Variants in ST3GAL1 observed in about 807,000 individuals in gnomAD.
ST3GAL1 encodes the protein ST3 beta-galactoside alpha-2,3-sialyltransferase 1.
ST3GAL1 carries 16 observed loss-of-function variants against 34.1 expected under a neutral mutation model. The observed-to-expected ratio is 0.47, with a 90% CI of 0.32 to 0.71. ST3GAL1 has a LOEUF of 0.71. Ranked by LOEUF, ST3GAL1 falls within the 30% of genes least tolerant of loss-of-function variation. The pLI, the probability that ST3GAL1 is intolerant of heterozygous loss-of-function variation, is 0.04. For synonymous variants in ST3GAL1, 191 were observed against 184.7 expected, an observed-to-expected ratio of 1.03 and a Z score of -0.28; for missense variants, 353 against 447.4, an observed-to-expected ratio of 0.79 and a Z score of 1.90.
chr8:133,463,135 C>T (rs921031958), intron 8 of ST3GAL1, among the ~76,000 whole-genome samples: 5 of 152,212 alleles, frequency 3.3e-5, no homozygotes, highest in East Asian at 1.9e-4. Context: ...AACCAGAATG[C>T]GGGGCAGCCA....
chr8:133,462,148 A>G (rs1370517274), intron 8 of ST3GAL1, among the ~76,000 whole-genome samples, 154 bp from the exon 9 acceptor site: 1 of 152,138 alleles, frequency 6.6e-6, no homozygotes, highest in Admixed American at 6.5e-5. Context: ...CGTAGGAAAG[A>G]TGGACACTCA....
intron 2 of ST3GAL1, chr8:133,515,813 C>T (rs956687786): frequency 6.6e-6 from 1 of 152,066 alleles, no homozygotes; most frequent in African/African-American, 2.4e-5. Context: ...ACCAAATGCC[C>T]TCTATTTATA....
intron 2 of ST3GAL1, among the ~76,000 whole-genome samples, chr8:133,511,994 A>C (rs187272365): frequency 7.6e-4 from 115 of 152,316 alleles, no homozygotes; most frequent in African/African-American, 2.6e-3. Flanking sequence ...CAGAGGTTGC[A>C]GTGAGCTGAG....
At chr8:133,567,157 T>C (rs1819427877) in intron 1 of ST3GAL1, 1 of 152,210 alleles carries the variant, frequency 6.6e-6, no homozygotes, top group African/African-American at 2.4e-5. Flanking sequence ...AGGGAACCTT[T>C]CCCTTCTCCG....
In ST3GAL1 at chr8:133,475,979, C is replaced by A; in HGVS notation, c.46G>T (p.Val16Leu). Residue 16 changes from valine (V) to leucine (L), a missense_variant, in exon 5 of 10, where the codon GTG becomes TTG. Physicochemically the swap from Val to Leu is conservative, Grantham distance 32. Coordinates refer to ENST00000522652, the MANE Select transcript of ST3GAL1 (RefSeq NM_173344.3). ...AAGGAGGTGAGGAAGATGAAGAGCA[C>A]GAGGAAGGTGAGCACTTTCAGGGTC... ...KRTLKVLTFL[V>L]LFIFLTSFFL... is the part of the protein sequence containing the mutation. 1 of 1,612,158 alleles carries A rather than the reference C, an allele frequency of 6.2e-7. No individual in the cohort carries two copies.
At chr8:133,563,470 C>T (rs1041112577) in intron 1 of ST3GAL1, among the ~76,000 whole-genome samples, 1 of 152,164 alleles carries the variant, frequency 6.6e-6, no homozygotes, top group Admixed American at 6.5e-5. Context: ...CCAACAGGGC[C>T]GGCTGAGAAT....
intron 3 of ST3GAL1, among the ~76,000 whole-genome samples, chr8:133,491,710 G>A (rs567474230): frequency 1.3e-5 from 2 of 152,280 alleles, no homozygotes; most frequent in Admixed American, 6.5e-5. Flanking sequence ...CTACAATGGC[G>A]AGGCATGCAG....
At chr8:133,529,953 TCTC>T (rs1295192704) in intron 2 of ST3GAL1, among the ~76,000 whole-genome samples, 1 of 151,988 alleles carries the variant, frequency 6.6e-6, no homozygotes, top group Non-Finnish European at 1.5e-5. Flanking sequence ...TAGCACCTGT[TCTC>T]CTACACATCA....
At chr8:133,557,325 T>C (rs975573394) in intron 1 of ST3GAL1, among the ~76,000 whole-genome samples, 1 of 152,128 alleles carries the variant, frequency 6.6e-6, no homozygotes, top group African/African-American at 2.4e-5. Context: ...GGGGTCCTCA[T>C]AGGATATGTG....
intron 3 of ST3GAL1, among the ~76,000 whole-genome samples, chr8:133,476,918 A>C (rs2130947057): frequency 6.6e-6 from 1 of 152,344 alleles, no homozygotes; most frequent in East Asian, 1.9e-4. Context: ...CAATATACAC[A>C]GGAATTGTTA....
At chr8:133,541,110 T>TAGAGAGAGAGAGAGAG (rs1488410302) in intron 2 of ST3GAL1, among the ~76,000 whole-genome samples, 2 of 42,044 alleles carry the variant, frequency 4.8e-5, no homozygotes, top group Non-Finnish European at 4.4e-5. Flanking sequence ...TATATATATA[T>TAGAGAGAGAGAGAGAG]ATATATATAT....
At chr8:133,485,936 G>C (rs562880607) in intron 3 of ST3GAL1, among the ~76,000 whole-genome samples, 1 of 152,304 alleles carries the variant, frequency 6.6e-6, no homozygotes, top group South Asian at 2.1e-4. Context: ...CCCTACTTGA[G>C]GTGACTGCAC....
At chr8:133,530,366 C>CTGTTGCAGTGGTACT (rs1818116635) in intron 2 of ST3GAL1, among the ~76,000 whole-genome samples, 1 of 151,874 alleles carries the variant, frequency 6.6e-6, no homozygotes, top group African/African-American at 2.4e-5. Context: ...ACTGCAACCT[C>CTGTTGCAGTGGTACT]TGTCTCCCAA....
chr8:133,544,396 T>C (rs575178342), intron 2 of ST3GAL1, among the ~76,000 whole-genome samples: 3 of 152,362 alleles, frequency 2.0e-5, no homozygotes, highest in East Asian at 3.9e-4. Flanking sequence ...AATTCTGAGA[T>C]GTGGTATGTT....
At position 133,466,037 on chromosome 8, in the gene ST3GAL1, C is replaced by T; in HGVS notation, c.360G>A (p.Leu120=). The T allele has an allele frequency of 6.2e-7, 1 of 1,614,166 alleles. No homozygotes were observed. Among genetic ancestry groups the T allele is most frequent in the South Asian group, 1.1e-5 (1 of 91,092 alleles). ...PNNLNDTIKE[L]FRVVPGNVDP... ...CCACATTCCCAGGCACCACTCTGAA[C>T]AGCTCCTTGATGGTGTCATTCAAGT... Residue 120 remains leucine, a synonymous_variant, in exon 6 of 10, where the codon CTG becomes CTA. Transcript: ENST00000522652. The surrounding 1 kb of genome is among the most constrained non-coding windows in gnomAD (Gnocchi z 4.4).
rs1348281938 is a variant in ST3GAL1, at chr8:133,461,047, G to T, written c.849+828C>A. On this transcript the variant is annotated intron_variant, in intron 9 of 9. Transcript: ENST00000522652. This position sits in a 1 kb window ranked among gnomAD's most constrained non-coding sequence, Gnocchi z 4.7. The stretch of plus-strand genomic sequence containing the variant: ...GCTCTTGAGCAGAACCTCAAGCAAG[G>T]GTCTGGGACCAGCTGGCTGGAGGTG... Among the ~76,000 whole-genome samples, 1 of 152,166 alleles carries T rather than the reference G, an allele frequency of 6.6e-6. No individual in the cohort carries two copies. The highest frequency in any genetic ancestry group is 1.5e-5 in the Non-Finnish European group (1 of 68,036).
chr8:133,535,940 G>A (rs1818299040), intron 2 of ST3GAL1, among the ~76,000 whole-genome samples: 1 of 152,266 alleles, frequency 6.6e-6, no homozygotes, highest in East Asian at 1.9e-4. Flanking sequence ...TTGCTCTACT[G>A]CAATCCTCAC....
chr8:133,484,369 T>C (rs998188457), intron 3 of ST3GAL1, among the ~76,000 whole-genome samples: 2 of 152,218 alleles, frequency 1.3e-5, no homozygotes, highest in Non-Finnish European at 2.9e-5. Context: ...ACCTTCACTG[T>C]CAACTTGCAG....
chr8:133,481,357 G>A lies in ST3GAL1; in HGVS notation c.-373-4757C>T, dbSNP rs569056830. On this transcript the variant is annotated intron_variant, in intron 3 of 9. Coordinates refer to ENST00000522652, the MANE Select transcript of ST3GAL1 (RefSeq NM_173344.3). ...TAGCCGTTCTCAACAGGTAAACCAA[G>A]ATGCTTATCAGGGTGACTCTTCCTT... Among the ~76,000 whole-genome samples, 3 of 152,346 alleles carry A rather than the reference G, an allele frequency of 2.0e-5. No homozygotes were observed. In the South Asian group the frequency reaches 6.2e-4, roughly 32 times the overall value.
Sources: gnomAD v4.1 joint callset for allele counts (sites outside exome capture counted in the v4.1 genomes callset) on GRCh38, gnomAD v4.1.1 for gene constraint, Gnocchi (gnomAD v3.1) non-coding constraint, MANE v1.5 for transcripts, NCBI Gene and HGNC (gene_info 2026-07-23, HGNC 2026-07-21) for gene names.